PPP1R1C: variants seen among roughly 807,000 people sequenced by gnomAD.
PPP1R1C encodes protein phosphatase 1 regulatory inhibitor subunit 1C, also known as protein phosphatase 1 regulatory subunit 1C.
In PPP1R1C, 15 loss-of-function variants were observed where a neutral mutation model predicts 17.4. That is an observed-to-expected ratio of 0.86 (90% CI 0.58 to 1.33). The LOEUF (loss-of-function observed/expected upper bound fraction) is 1.33, where lower values mean the gene tolerates loss of function less well. PPP1R1C is among the 40% of genes most tolerant of loss of function. The pLI is 0.00. For synonymous variants in PPP1R1C, 35 were observed against 43.1 expected (o/e 0.81, Z 0.73); for missense variants, 143 against 130.0 (o/e 1.10, Z -0.48).
At chr2:182,094,193 C>CA (rs533248207) in intron 4 of PPP1R1C, among the ~76,000 whole-genome samples, 1 of 151,752 alleles carries the variant, frequency 6.6e-6, no homozygotes, top group African/African-American at 2.4e-5. Flanking sequence ...TGGTGGCAGG[C>CA]AAAAAAAGAG....
rs187552959 is a variant in PPP1R1C at position 182,005,086 on chromosome 2, G to A, written c.142+17187G>A. Among the ~76,000 whole-genome samples the A allele has an allele frequency of 2.0e-5, 3 of 152,264 alleles. No homozygotes were observed. In the East Asian group the frequency reaches 5.8e-4, roughly 29 times the overall value. ...GCTAGTATTATAAACTAATTTATTA[G>A]ATGTTTTTAGAGTAAGCACAATGTG... is the stretch of plus-strand genomic sequence containing the variant. On this transcript the variant is annotated intron_variant, in intron 2 of 4. Transcript: ENST00000682840.
chr2:182,043,150 T>C (rs1559069341), intron 2 of PPP1R1C, among the ~76,000 whole-genome samples: 1 of 152,232 alleles, frequency 6.6e-6, no homozygotes, highest in Non-Finnish European at 1.5e-5. Context: ...CACAGAGTTA[T>C]ATTTAGATGA....
chr2:182,035,840 G>A (rs1035108497), intron 2 of PPP1R1C, among the ~76,000 whole-genome samples: 4 of 152,182 alleles, frequency 2.6e-5, no homozygotes, highest in African/African-American at 7.2e-5. Context: ...CTTTATAGCA[G>A]TGTGAGAACA....
At chr2:182,110,941 A>G (rs1689399737) in intron 4 of PPP1R1C, among the ~76,000 whole-genome samples, 1 of 152,128 alleles carries the variant, frequency 6.6e-6, no homozygotes. Context: ...AGAGGGGCAC[A>G]TGACTGTGGA....
At chr2:182,034,061 G>GT (rs1686927168) in intron 2 of PPP1R1C, among the ~76,000 whole-genome samples, 1 of 152,202 alleles carries the variant, frequency 6.6e-6, no homozygotes, top group South Asian at 2.1e-4. Flanking sequence ...AATGTGTAGT[G>GT]TTTTTTGACC....
intron 1 of PPP1R1C, 135 bp downstream of exon 1, chr2:181,986,326 G>T (rs767248376): frequency 5.6e-6 from 4 of 714,722 alleles, no homozygotes; most frequent in Non-Finnish European, 9.5e-6. Context: ...CAAGAAATAA[G>T]TTGGTTTTTA....
intron 4 of PPP1R1C, among the ~76,000 whole-genome samples, chr2:182,075,764 A>C (rs761806032): frequency 6.6e-5 from 10 of 152,178 alleles, no homozygotes; most frequent in Non-Finnish European, 1.5e-4. Context: ...CTCTATGTCC[A>C]TTTCAGGTTA....
intron 4 of PPP1R1C, among the ~76,000 whole-genome samples, chr2:182,079,564 A>G (rs1688411571): frequency 6.6e-6 from 1 of 152,224 alleles, no homozygotes; most frequent in African/African-American, 2.4e-5. Context: ...TGGATGCCTC[A>G]TCTGTGCTTC....
chr2:182,100,692 A>C (rs1347462379), intron 4 of PPP1R1C, among the ~76,000 whole-genome samples: 1 of 152,166 alleles, frequency 6.6e-6, no homozygotes, highest in African/African-American at 2.4e-5. Flanking sequence ...CAGGAAATAA[A>C]GGCTGCCTCT....
chr2:182,041,928 C>A (rs915287990), intron 2 of PPP1R1C, among the ~76,000 whole-genome samples: 1 of 152,108 alleles, frequency 6.6e-6, no homozygotes, highest in Non-Finnish European at 1.5e-5. Flanking sequence ...TTCCTTTGAT[C>A]TAATATGTGG....
chr2:182,063,976 G>T, intron 4 of PPP1R1C, 185 bp downstream of exon 4: 1 of 469,330 alleles, frequency 2.1e-6, no homozygotes, highest in South Asian at 5.0e-5. Context: ...GTAAAATATG[G>T]GGTTGAAAAA....
At chr2:182,110,352 A>G (rs1170959973) in intron 4 of PPP1R1C, among the ~76,000 whole-genome samples, 3 of 152,220 alleles carry the variant, frequency 2.0e-5, no homozygotes, top group African/African-American at 7.2e-5. Context: ...TAAAACCAGA[A>G]TGTTTATTTA....
At chr2:182,093,071 C>T (rs903692086) in intron 4 of PPP1R1C, among the ~76,000 whole-genome samples, 2 of 152,184 alleles carry the variant, frequency 1.3e-5, no homozygotes, top group Non-Finnish European at 2.9e-5. Context: ...CATGAGGGCC[C>T]TAACCCCTGC....
At chr2:182,112,813 A>G (rs1689480667) in intron 4 of PPP1R1C, among the ~76,000 whole-genome samples, 1 of 152,182 alleles carries the variant, frequency 6.6e-6, no homozygotes, top group East Asian at 1.9e-4. Context: ...TTTAAAATCC[A>G]CACATAGATT....
intron 4 of PPP1R1C, among the ~76,000 whole-genome samples, chr2:182,077,059 C>T (rs936363810): frequency 6.6e-6 from 1 of 152,150 alleles, no homozygotes; most frequent in African/African-American, 2.4e-5. Context: ...GTGTCCTAGA[C>T]ATAATGAAAA....
intron 2 of PPP1R1C, among the ~76,000 whole-genome samples, chr2:182,044,254 C>A (rs753073306): frequency 1.3e-5 from 2 of 152,162 alleles, no homozygotes; most frequent in Admixed American, 1.3e-4. Flanking sequence ...CTGCTTAAAA[C>A]CCTTCATTGG....
At chr2:182,084,394 T>G (rs528679239) in intron 4 of PPP1R1C, among the ~76,000 whole-genome samples, 12 of 152,294 alleles carry the variant, frequency 7.9e-5, no homozygotes, top group East Asian at 5.8e-4. Context: ...ATTTTTATGA[T>G]TTCAACTGTT....
chr2:182,120,762 G>C (rs955681892), downstream of PPP1R1C, among the ~76,000 whole-genome samples: 1 of 151,940 alleles, frequency 6.6e-6, no homozygotes. Context: ...CAAACAAAAA[G>C]AAACCAAAGC....
intron 2 of PPP1R1C, among the ~76,000 whole-genome samples, chr2:182,013,500 G>A (rs1372433118): frequency 6.6e-6 from 1 of 151,956 alleles, no homozygotes; most frequent in African/African-American, 2.4e-5. Context: ...TTATTGTCTT[G>A]AGATAGTCTT....
Sources: allele counts gnomAD v4.1 joint callset (sites outside exome capture counted in the v4.1 genomes callset), GRCh38; gene constraint gnomAD v4.1.1; transcripts MANE v1.5; gene names NCBI Gene and HGNC (gene_info 2026-07-23, HGNC 2026-07-21).